The following TTC39B variants were observed in gnomAD, a reference collection of about 807,000 sequenced individuals.
The protein encoded by TTC39B is tetratricopeptide repeat protein 39B.
In TTC39B, 92 loss-of-function variants were observed where a neutral mutation model predicts 96.6. That is an observed-to-expected ratio of 0.95 (90% CI 0.80 to 1.13). The LOEUF is 1.13. TTC39B is among the 50% of genes most tolerant of loss of function. The pLI is 0.00. For missense variants in TTC39B, 955 were observed against 809.3 expected (o/e 1.18, Z -2.18); for synonymous variants, 367 against 299.4 (o/e 1.23, Z -2.33).
chr9:15,274,722 AACTAAC>A (rs1392286791), intron 1 of TTC39B, among the ~76,000 whole-genome samples: 4 of 149,072 alleles, frequency 2.7e-5, no homozygotes, highest in East Asian at 1.9e-4. Flanking sequence ...CCTGAAAAAA[AACTAAC>A]ACTAAGTTTA....
intron 2 of TTC39B, among the ~76,000 whole-genome samples, chr9:15,236,181 G>A (rs1385395058): frequency 6.6e-6 from 1 of 152,090 alleles, no homozygotes; most frequent in East Asian, 1.9e-4. Context: ...CTCATATCAA[G>A]TAAAACAGAC....
intron 2 of TTC39B, among the ~76,000 whole-genome samples, chr9:15,231,407 G>A (rs1432304287): frequency 2.6e-5 from 4 of 152,306 alleles, no homozygotes; most frequent in Non-Finnish European, 4.4e-5. Flanking sequence ...AGATATGGTG[G>A]TATCTCACTG....
rs1365637010 is a variant in TTC39B, at chr9:15,233,696, C to T, written c.276-7684G>A. ...AGGCTGGAGTGCAGTGGCGTGATCTCGGCTCGCTACAACATCCACCTCCCA... is the reference window on the plus strand; with the variant it reads ...AGGCTGGAGTGCAGTGGCGTGATCTTGGCTCGCTACAACATCCACCTCCCA... On this transcript the variant is annotated intron_variant, in intron 2 of 19. Transcript: ENST00000512701. Among the ~76,000 whole-genome samples, 5 of 152,296 alleles carry T rather than the reference C, an allele frequency of 3.3e-5. No homozygotes were observed. The South Asian group carries it at 6.2e-4, about 19-fold the overall frequency.
At position 15,175,012 on chromosome 9, in the gene TTC39B, C is replaced by T; in HGVS notation, c.1958+7G>A. 6.2e-7 allele frequency: 1 copy of T among 1,601,490 alleles called. No homozygotes were observed. Among genetic ancestry groups the T allele is most frequent in the Non-Finnish European group, 8.6e-7 (1 of 1,168,726 alleles). ...ACAATCAAGGAAAAGCTGCCTTCAA[C>T]ACTTACCTTGCAGTTTCTAGGAACT... is the stretch of plus-strand genomic sequence containing the variant. On this transcript the variant is annotated splice_region_variant and intron_variant, in intron 19 of 19. Transcript: ENST00000512701.
chr9:15,260,942 G>C (rs1415211096), intron 2 of TTC39B, among the ~76,000 whole-genome samples: 1 of 152,160 alleles, frequency 6.6e-6, no homozygotes, highest in Non-Finnish European at 1.5e-5. Context: ...ACACATATGA[G>C]TTTCTATGTA....
chr9:15,186,419 C>A lies in TTC39B; in HGVS notation c.1487+525G>T, dbSNP rs1350300657. On this transcript the variant is annotated intron_variant, in intron 15 of 19. Coordinates refer to ENST00000512701, the Ensembl canonical transcript of TTC39B. ...CATTCATTGTTAGAACTCTCATTAT[C>A]CCAACAACCTAGAAGCTATGACAGA... 4.6e-5 allele frequency among the ~76,000 whole-genome samples: 7 copies of A among 152,258 alleles called. No individual in the cohort carries two copies. In the South Asian group the frequency reaches 8.3e-4, roughly 18 times the overall value.
At chr9:15,264,996 A>T (rs1371112253) in intron 2 of TTC39B, among the ~76,000 whole-genome samples, 1 of 152,004 alleles carries the variant, frequency 6.6e-6, no homozygotes, top group Non-Finnish European at 1.5e-5. Context: ...AAAGCCCCCA[A>T]ACAGTGTGTT....
intron 1 of TTC39B, among the ~76,000 whole-genome samples, chr9:15,305,909 T>A (rs1165632412): frequency 1.3e-5 from 2 of 152,068 alleles, no homozygotes; most frequent in African/African-American, 2.4e-5. Flanking sequence ...AGTCTTGGGA[T>A]CCTCAATGCA....
intron 8 of TTC39B, among the ~76,000 whole-genome samples, chr9:15,199,196 T>C (rs1356652125): frequency 6.6e-6 from 1 of 152,190 alleles, no homozygotes; most frequent in Non-Finnish European, 1.5e-5. Flanking sequence ...AACATTTCCA[T>C]CTATTGCAGA....
At chr9:15,290,387 G>A (rs537185543) in intron 1 of TTC39B, among the ~76,000 whole-genome samples, 39 of 152,238 alleles carry the variant, frequency 2.6e-4, no homozygotes, top group South Asian at 4.2e-4. Flanking sequence ...AATGATAGAA[G>A]GCCACCTATC....
intron 2 of TTC39B, among the ~76,000 whole-genome samples, chr9:15,241,371 C>T (rs1822032703): frequency 1.3e-5 from 2 of 151,584 alleles, no homozygotes; most frequent in Non-Finnish European, 2.9e-5. Context: ...AAAGATAATG[C>T]TCTAAGTGGA....
chr9:15,288,369 G>A (rs972709295), intron 1 of TTC39B, among the ~76,000 whole-genome samples: 21 of 152,060 alleles, frequency 1.4e-4, no homozygotes, highest in African/African-American at 4.1e-4. Flanking sequence ...CCAAAACCCC[G>A]GCTCCACAAG....
At position 15,286,168 on chromosome 9, in the gene TTC39B, A is replaced by T. The variant is rs540363907; in HGVS notation, c.241-18220T>A. Among the ~76,000 whole-genome samples, 8 of 152,364 alleles carry T rather than the reference A, an allele frequency of 5.3e-5. No individual in the cohort carries two copies. The South Asian group carries it at 1.7e-3, about 32-fold the overall frequency. ...TACTTTACACTATTGCCCACAATCC[A>T]ATTCTGTCAACTGACCCAGCAATGT... On this transcript the variant is annotated intron_variant, in intron 1 of 19. Transcript: ENST00000512701.
At chr9:15,298,560 C>A (rs1824464525) in intron 1 of TTC39B, among the ~76,000 whole-genome samples, 1 of 152,060 alleles carries the variant, frequency 6.6e-6, no homozygotes, top group African/African-American at 2.4e-5. Context: ...ACATCAGATC[C>A]CATGAGACTT....
exon 20 of TTC39B, chr9:15,168,005 A>T (rs1481935744): frequency 6.6e-6 from 1 of 152,218 alleles, no homozygotes; most frequent in African/African-American, 2.4e-5. Context: ...GGGCACTTTA[A>T]ATAGAAAAAG....
chr9:15,201,029 G>T (rs954609008), intron 7 of TTC39B, among the ~76,000 whole-genome samples: 1 of 152,102 alleles, frequency 6.6e-6, no homozygotes, highest in African/African-American at 2.4e-5. Flanking sequence ...AAAAAAGAAA[G>T]ATGCTCTGAT....
At chr9:15,296,335 C>A (rs906333294) in intron 1 of TTC39B, among the ~76,000 whole-genome samples, 1 of 152,190 alleles carries the variant, frequency 6.6e-6, no homozygotes, top group African/African-American at 2.4e-5. Context: ...AGTTTACAGG[C>A]ATCCGTTTAA....
exon 20 of TTC39B, chr9:15,171,598 A>C (rs1377691729): frequency 1.3e-5 from 2 of 153,268 alleles, no homozygotes; most frequent in African/African-American, 4.8e-5. Context: ...ATCTTCTGAA[A>C]TTTAAATACA....
intron 1 of TTC39B, among the ~76,000 whole-genome samples, chr9:15,287,896 A>C (rs1824031352): frequency 7.1e-6 from 1 of 141,034 alleles, no homozygotes; most frequent in African/African-American, 2.6e-5. Context: ...CAGTGAGCCG[A>C]TATGGCGCCA....
Sources: gnomAD v4.1 joint callset for allele counts (sites outside exome capture counted in the v4.1 genomes callset) on GRCh38, gnomAD v4.1.1 for gene constraint, MANE v1.5 for transcripts, NCBI Gene and HGNC (gene_info 2026-07-23, HGNC 2026-07-21) for gene names.